FRMD6: variants seen among roughly 807,000 people sequenced by gnomAD.
FRMD6 encodes the protein FERM domain-containing protein 6.
FRMD6 carries 37 observed loss-of-function variants against 73.2 expected under a neutral mutation model. That is an observed-to-expected ratio of 0.51 (90% CI 0.39 to 0.66). The LOEUF is 0.66. FRMD6 is among the 30% of genes least tolerant of loss of function. The pLI, the probability that FRMD6 is intolerant of heterozygous loss-of-function variation, is 0.00. For synonymous variants in FRMD6, 273 were observed against 282.2 expected (o/e 0.97, Z 0.33); for missense variants, 714 against 780.5 (o/e 0.91, Z 1.02).
the FRMD6 span, among the ~76,000 whole-genome samples, chr14:51,456,065 A>C: frequency 6.6e-6 from 1 of 152,192 alleles, no homozygotes; most frequent in South Asian, 2.1e-4. Flanking sequence ...CTTAGGAAGC[A>C]CTGGGCTTGA....
the FRMD6 span, among the ~76,000 whole-genome samples, chr14:51,459,557 G>A: frequency 1.3e-5 from 2 of 152,050 alleles, no homozygotes; most frequent in Non-Finnish European, 2.9e-5. Flanking sequence ...AAAAGCTGAC[G>A]CTGGCGACGC....
intron 2 of FRMD6, chr14:51,599,720 C>T (rs1889929008): frequency 6.6e-6 from 1 of 152,036 alleles, no homozygotes; most frequent in South Asian, 2.1e-4. Flanking sequence ...CTAAGGCAGG[C>T]ACAGGTTTCC....
chr14:51,453,466 C>T, the FRMD6 span, among the ~76,000 whole-genome samples: 1 of 152,174 alleles, frequency 6.6e-6, no homozygotes, highest in Non-Finnish European at 1.5e-5. Context: ...AAGACACCCT[C>T]AGCCGCTACT....
chr14:51,468,183 C>G, the FRMD6 span, among the ~76,000 whole-genome samples: 1 of 151,868 alleles, frequency 6.6e-6, no homozygotes, highest in Non-Finnish European at 1.5e-5. Context: ...CCCAGGCACT[C>G]GGCAGGCTGA....
At chr14:51,603,299 A>G (rs116364382) in intron 2 of FRMD6, among the ~76,000 whole-genome samples, 17 of 152,366 alleles carry the variant, frequency 1.1e-4, no homozygotes, top group African/African-American at 4.1e-4. Context: ...ATGGACTAAG[A>G]CAAGTGGCAT....
intron 1 of FRMD6, among the ~76,000 whole-genome samples, chr14:51,489,737 G>C (rs560614679): frequency 6.6e-6 from 1 of 152,330 alleles, no homozygotes; most frequent in Admixed American, 6.5e-5. Flanking sequence ...TACAGTGTGT[G>C]TGTTTATGTA....
intron 1 of FRMD6, among the ~76,000 whole-genome samples, chr14:51,533,488 A>G: frequency 6.6e-6 from 1 of 152,152 alleles, no homozygotes; most frequent in East Asian, 1.9e-4. Context: ...ACAGGAGTCT[A>G]ATGCATAGAG....
chr14:51,641,915 G>A (rs888959195), intron 2 of FRMD6, among the ~76,000 whole-genome samples: 6 of 116,452 alleles, frequency 5.2e-5, no homozygotes, highest in African/African-American at 1.2e-4. Context: ...AAATGTTCTC[G>A]TAGGGGCAAA....
intron 1 of FRMD6, among the ~76,000 whole-genome samples, chr14:51,545,635 T>A (rs1886429119): frequency 1.3e-5 from 2 of 152,104 alleles, no homozygotes; most frequent in Non-Finnish European, 2.9e-5. Flanking sequence ...CGGGTAAGTT[T>A]AAGGATAAAA....
At chr14:51,402,042 T>C in the FRMD6 span, among the ~76,000 whole-genome samples, 1 of 152,188 alleles carries the variant, frequency 6.6e-6, no homozygotes, top group Admixed American at 6.5e-5. Context: ...GGTAGGCCAG[T>C]AATATGAGGT....
the FRMD6 span, among the ~76,000 whole-genome samples, chr14:51,407,328 C>T: frequency 6.6e-6 from 1 of 151,882 alleles, no homozygotes; most frequent in African/African-American, 2.4e-5. Flanking sequence ...TAATGCTAAC[C>T]TCATAAAATG....
chr14:51,549,241 G>A (rs1377840427), intron 1 of FRMD6, among the ~76,000 whole-genome samples: 2 of 152,044 alleles, frequency 1.3e-5, no homozygotes, highest in African/African-American at 4.8e-5. Flanking sequence ...ATGAATGAGT[G>A]GATGAAAAGC....
chr14:51,512,945 A>G (rs963877105), intron 1 of FRMD6, among the ~76,000 whole-genome samples: 7 of 152,170 alleles, frequency 4.6e-5, no homozygotes, highest in African/African-American at 1.7e-4. Flanking sequence ...AAGTGCCTCA[A>G]GGGCACTCCT....
intron 1 of FRMD6, among the ~76,000 whole-genome samples, chr14:51,659,359 G>A (rs1893052938): frequency 1.3e-5 from 2 of 152,242 alleles, no homozygotes; most frequent in African/African-American, 4.8e-5. Context: ...ACAAAAAGAA[G>A]TGATGTATAA....
chr14:51,478,910 C>G, the FRMD6 span, among the ~76,000 whole-genome samples: 1 of 151,602 alleles, frequency 6.6e-6, no homozygotes, highest in Non-Finnish European at 1.5e-5. Context: ...CCATAGTTGT[C>G]AAAAGAAAAA....
the FRMD6 span, among the ~76,000 whole-genome samples, chr14:51,417,638 C>G: frequency 6.6e-6 from 1 of 152,142 alleles, no homozygotes; most frequent in Non-Finnish European, 1.5e-5. Flanking sequence ...CTTGGGGTTG[C>G]TCTTCTCAAG....
At chr14:51,668,380 C>T (rs117421195) in intron 1 of FRMD6, among the ~76,000 whole-genome samples, 1,608 of 152,296 alleles carry the variant, frequency 0.011, 16 homozygotes, top group Middle Eastern at 0.017. Flanking sequence ...AATTTCGGCT[C>T]ACTGCAACCT....
At chr14:51,509,526 C>CA (rs1884171051) in intron 1 of FRMD6, among the ~76,000 whole-genome samples, 1 of 109,516 alleles carries the variant, frequency 9.1e-6, no homozygotes, top group Non-Finnish European at 1.9e-5. Context: ...GACTCCGTCT[C>CA]AAAAAACAAA....
In FRMD6 at chr14:51,712,510, T is replaced by A. The variant is rs773805432; in HGVS notation, c.808T>A (p.Tyr270Asn). ...QNLDEEKQLL[Y>N]DFPWTNVGKL... ...TTTAGATGAAGAGAAACAATTACTTTATGATTTCCCCTGGACAAATGTTGG... is the reference window on the plus strand; with the variant it reads ...TTTAGATGAAGAGAAACAATTACTTAATGATTTCCCCTGGACAAATGTTGG... The change falls in exon 9 of 14, where the codon TAT becomes AAT. Residue 270 changes from tyrosine (Y) to asparagine (N), a missense_variant. Tyr to Asn is a moderately radical substitution (Grantham distance 143, BLOSUM62 -2). Transcript: ENST00000344768. 1 of 1,602,014 alleles carries A rather than the reference T, an allele frequency of 6.2e-7. No homozygotes were observed. Among genetic ancestry groups the A allele is most frequent in the South Asian group, 1.1e-5 (1 of 90,586 alleles).
Sources: allele counts gnomAD v4.1 joint callset (sites outside exome capture counted in the v4.1 genomes callset), GRCh38; gene constraint gnomAD v4.1.1; transcripts MANE v1.5; gene names NCBI Gene and HGNC (gene_info 2026-07-23, HGNC 2026-07-21).